ANKLE2: variants seen among roughly 807,000 people sequenced by gnomAD.
ANKLE2 encodes the protein ankyrin repeat and LEM domain containing 2.
A neutral mutation model predicts 84.2 loss-of-function variants in ANKLE2; 55 were observed. The ratio of observed to expected loss-of-function variants is 0.65; its 90% CI spans 0.53 to 0.82. The LOEUF (loss-of-function observed/expected upper bound fraction) is 0.82, where lower values mean the gene tolerates loss of function less well. ANKLE2 is among the 40% of genes least tolerant of loss of function. The probability of loss-of-function intolerance (pLI) is 0.00; values close to 1 mark genes in which losing one functional copy is unlikely to be tolerated. For missense variants in ANKLE2, 1,238 were observed against 1,201.9 expected (o/e 1.03, Z -0.44); for synonymous variants, 551 against 486.1 (o/e 1.13, Z -1.76).
chr12:132,739,997 CA>C (rs1177892609), intron 7 of ANKLE2, among the ~76,000 whole-genome samples: 1 of 152,226 alleles, frequency 6.6e-6, no homozygotes, highest in Non-Finnish European at 1.5e-5. Context: ...CACACATAGG[CA>C]AGGATCTCTC....
intron 1 of ANKLE2, chr12:132,761,340 G>A (rs888515851): frequency 1.0e-5 from 3 of 292,396 alleles, no homozygotes; most frequent in East Asian, 5.6e-5. Context: ...ACGCCTCGCC[G>A]GGCCCCCGCC....
intron 2 of ANKLE2, among the ~76,000 whole-genome samples, chr12:132,752,159 G>A (rs571384296): frequency 6.6e-6 from 1 of 152,082 alleles, no homozygotes; most frequent in Non-Finnish European, 1.5e-5. Flanking sequence ...TGACCAACGT[G>A]GAGAAACCCT....
Position 132,743,918 on chromosome 12 carries a change from A to C in ANKLE2, c.1231-642T>G, listed in dbSNP as rs1360149069. Among the ~76,000 whole-genome samples, 1 of 152,212 alleles carries C rather than the reference A, an allele frequency of 6.6e-6. No homozygotes were observed. The highest frequency in any genetic ancestry group is 2.4e-5 in the African/African-American group (1 of 41,456). On this transcript the variant is annotated intron_variant, in intron 5 of 12. Coordinates refer to ENST00000357997, the MANE Select transcript of ANKLE2 (RefSeq NM_015114.3). The surrounding 1 kb of genome is among the most constrained non-coding windows in gnomAD (Gnocchi z 4.1). ...CAGATGAGGACCACAACCAGAATAAAGCAAAGCGCACGAATTTGGTCTGTA... is the reference window on the plus strand; with the variant it reads ...CAGATGAGGACCACAACCAGAATAACGCAAAGCGCACGAATTTGGTCTGTA...
intron 11 of ANKLE2, 76 bp from the exon 12 acceptor site, chr12:132,728,239 T>C (rs2043751036): frequency 3.2e-6 from 5 of 1,564,212 alleles, no homozygotes; most frequent in Non-Finnish European, 4.3e-6. Flanking sequence ...CTACTTTTTT[T>C]TTTATTTTGA....
rs751601869 is a variant in ANKLE2 at position 132,730,187 on chromosome 12, G to A, written c.1975C>T (p.Arg659Ter). Residue 659 changes from arginine to a stop codon, truncating the protein, a stop_gained, in exon 11 of 13, where the codon CGA becomes TGA. Transcript: ENST00000357997. LOFTEE classifies it high-confidence loss of function. ...EEIKNRQNAA[R>*]NNSPPTVGAF... ...CCGACTGTGGGCGGGCTGTTATTTC[G>A]AGCTGCATTTTGCCGATTTTTTATT... 3.7e-6 allele frequency: 6 copies of A among 1,602,842 alleles called. No homozygotes were observed. Among genetic ancestry groups the A allele is most frequent in the African/African-American group, 2.7e-5 (2 of 74,406 alleles).
At chr12:132,733,369 C>T (rs1303417576) in intron 10 of ANKLE2, among the ~76,000 whole-genome samples, 1 of 147,888 alleles carries the variant, frequency 6.8e-6, no homozygotes, top group African/African-American at 2.5e-5. Flanking sequence ...AAGCGCTCTG[C>T]GTCCTGGTGT....
At position 132,741,501 on chromosome 12, in the gene ANKLE2, G is replaced by A; in HGVS notation, c.1354-16C>T. 2 of 1,611,120 alleles carry A rather than the reference G, an allele frequency of 1.2e-6. No individual in the cohort carries two copies. Among genetic ancestry groups the A allele is most frequent in the Non-Finnish European group, 1.7e-6 (2 of 1,177,452 alleles). ...CACAAATTACCTATTGGAAAAAAAA[G>A]TGTGTCTAAATCTTATTTGATCGCA... On this transcript the variant is annotated splice_polypyrimidine_tract_variant and intron_variant, in intron 6 of 12. Transcript: ENST00000357997.
intron 5 of ANKLE2, among the ~76,000 whole-genome samples, chr12:132,746,546 A>G (rs1434178830): frequency 1.3e-5 from 2 of 152,138 alleles, no homozygotes; most frequent in Non-Finnish European, 2.9e-5. Context: ...TGCCCACAGA[A>G]AGTAAACTGA....
intron 5 of ANKLE2, among the ~76,000 whole-genome samples, chr12:132,744,053 T>C (rs1386517593): frequency 6.6e-6 from 1 of 152,192 alleles, no homozygotes; most frequent in African/African-American, 2.4e-5. Flanking sequence ...TCCATGACGC[T>C]GCGTCACGCC....
intron 5 of ANKLE2, among the ~76,000 whole-genome samples, chr12:132,746,348 C>CAAAAAAAAA (rs566130639): frequency 1.0e-3 from 67 of 66,496 alleles, no homozygotes; most frequent in African/African-American, 1.2e-3. Context: ...GACTCTGTCT[C>CAAAAAAAAA]AAAAAAAAAA....
Position 132,726,350 on chromosome 12 carries a change from A to T in ANKLE2, c.*892T>A, listed in dbSNP as rs1030263877. ...AAATGCAACACTCTGCATACAGGAG[A>T]TCCCAACTGAAATGAGTTCCAAAAT... On this transcript the variant is annotated 3_prime_UTR_variant, in exon 13 of 13. Coordinates refer to ENST00000357997, the MANE Select transcript of ANKLE2 (RefSeq NM_015114.3). 3 of 152,504 alleles carry T rather than the reference A, an allele frequency of 2.0e-5. No individual in the cohort carries two copies. The highest frequency in any genetic ancestry group is 4.1e-4 in the South Asian group (2 of 4,834). 9.4% of individuals were successfully genotyped at this position (152,504 alleles called of 1,614,324 possible). A position where few individuals can be genotyped will look rare whatever the true frequency, so the allele number is the denominator to read the frequency against.
chr12:132,761,756 C>A lies in ANKLE2; in HGVS notation c.43G>T (p.Ala15Ser), dbSNP rs1305324018. 1.7e-6 allele frequency: 2 copies of A among 1,206,312 alleles called. No individual in the cohort carries two copies. Among genetic ancestry groups the A allele is most frequent in the African/African-American group, 1.6e-5 (1 of 62,448 alleles). The allele number at this position is 1,206,312 out of a possible 1,614,324, so 74.7% of individuals were successfully genotyped here. A position where few individuals can be genotyped will look rare whatever the true frequency, so the allele number is the denominator to read the frequency against. Reference protein sequence around the residue: ...RLAAAEWAALAWELLGASVLL... With the variant: ...RLAAAEWAALSWELLGASVLL... ...ACCGAGGCGCCCAGCAGCTCCCAGGCCAGCGCCGCCCACTCGGCCGCCGCC... is the reference window on the plus strand; with the variant it reads ...ACCGAGGCGCCCAGCAGCTCCCAGGACAGCGCCGCCCACTCGGCCGCCGCC... The change falls in exon 1 of 13, where the codon GCC becomes TCC. Residue 15 changes from alanine (A) to serine (S), a missense_variant. Ala to Ser is a moderately conservative substitution (Grantham distance 99, BLOSUM62 1). This residue lies in a region of ANKLE2 where 422 missense variants were observed against 394.5 expected (regional missense o/e 1.07). Transcript: ENST00000357997.
rs1229732136 is a variant in ANKLE2, at chr12:132,741,539, C to G, written c.1354-54G>C. On this transcript the variant is annotated intron_variant, in intron 6 of 12. Coordinates refer to ENST00000357997, the MANE Select transcript of ANKLE2 (RefSeq NM_015114.3). ...TTATTTGATCGCAACATTTCCTTATCATTACAATGATTTCAGAAAAATAGT... is the reference window on the plus strand; with the variant it reads ...TTATTTGATCGCAACATTTCCTTATGATTACAATGATTTCAGAAAAATAGT... 4 of 1,520,642 alleles carry G rather than the reference C, an allele frequency of 2.6e-6. No individual in the cohort carries two copies. In the Admixed American group the frequency reaches 6.7e-5, roughly 26 times the overall value. The allele number at this position is 1,520,642 out of a possible 1,614,324, so 94.2% of individuals were successfully genotyped here.
At chr12:132,761,381 G>A (rs999181103) in intron 1 of ANKLE2, 2 of 334,182 alleles carry the variant, frequency 6.0e-6, no homozygotes, top group East Asian at 4.6e-5. Context: ...CAGGGCCCGG[G>A]AAAGCTCTCA....
intron 12 of ANKLE2, 111 bp from the exon 13 acceptor site, chr12:132,727,554 GAGGCACTGGTGAACCCTGGCACCGC>G (rs2043729090): frequency 8.1e-7 from 1 of 1,236,068 alleles, no homozygotes; most frequent in Non-Finnish European, 1.1e-6. Flanking sequence ...GGGCGGAGGA[GAGGCACTGGTGAACCCTGGCACCGC>G]GGGCACACAC....
intron 10 of ANKLE2, 38 bp downstream of exon 10, chr12:132,734,345 GCC>G (rs769763406): frequency 1.2e-6 from 2 of 1,602,530 alleles, no homozygotes; most frequent in East Asian, 4.5e-5. Flanking sequence ...GCCATGGGGG[GCC>G]CCTCCCAGCT....
chr12:132,733,996 C>T (rs1193341005), intron 10 of ANKLE2: 2 of 460,442 alleles, frequency 4.3e-6, no homozygotes, highest in South Asian at 3.1e-5. Flanking sequence ...TAACATTAAC[C>T]TTCCCAGCAC....
chr12:132,741,830 A>G (rs1365356779), intron 6 of ANKLE2: 1 of 475,672 alleles, frequency 2.1e-6, no homozygotes, highest in Non-Finnish European at 4.2e-6. Context: ...GTTGAGTTCC[A>G]CTTACAGGAA....
intron 2 of ANKLE2, among the ~76,000 whole-genome samples, chr12:132,754,422 A>C (rs1407039211): frequency 6.6e-6 from 1 of 152,220 alleles, no homozygotes; most frequent in African/African-American, 2.4e-5. Context: ...CAGCCAGTTA[A>C]TATTAATATC....
Sources: allele counts gnomAD v4.1 joint callset (sites outside exome capture counted in the v4.1 genomes callset), GRCh38; gene constraint gnomAD v4.1.1; regional missense constraint gnomAD v4.1.1; non-coding constraint Gnocchi (gnomAD v3.1); transcripts MANE v1.5; gene names NCBI Gene and HGNC (gene_info 2026-07-23, HGNC 2026-07-21).